The following DGKI variants were observed in gnomAD, a reference collection of about 807,000 sequenced individuals.
DGKI encodes DAG kinase iota.
DGKI carries 55 observed loss-of-function variants against 147.5 expected under a neutral mutation model. The ratio of observed to expected loss-of-function variants is 0.37; its 90% CI spans 0.30 to 0.47. The LOEUF (loss-of-function observed/expected upper bound fraction) is 0.47, where lower values mean the gene tolerates loss of function less well. Among genes scored for constraint, DGKI ranks in the 20% least tolerant of loss-of-function variants. The pLI is 1.00. For missense variants in DGKI, 1,007 were observed against 1,323.8 expected, an observed-to-expected ratio of 0.76 and a Z score of 3.71; for synonymous variants, 469 against 477.1, an observed-to-expected ratio of 0.98 and a Z score of 0.22.
At chr7:137,457,927 A>C (rs1814270323) in intron 27 of DGKI, among the ~76,000 whole-genome samples, 1 of 152,092 alleles carries the variant, frequency 6.6e-6, no homozygotes, top group African/African-American at 2.4e-5. Flanking sequence ...TTAAATCTAA[A>C]AAAAAAAGCA....
chr7:137,402,679 C>A (rs919073880), intron 30 of DGKI, among the ~76,000 whole-genome samples: 4 of 152,162 alleles, frequency 2.6e-5, no homozygotes, highest in Non-Finnish European at 5.9e-5. Context: ...CTCTCTGGGC[C>A]CTCATTTCCC....
rs1032441956 is a variant in DGKI at position 137,458,289 on chromosome 7, G to A, written c.2735+5200C>T. 2.0e-5 allele frequency among the ~76,000 whole-genome samples: 3 copies of A among 152,090 alleles called. No individual in the cohort carries two copies. In the South Asian group the frequency reaches 6.2e-4, roughly 32 times the overall value. ...CCAATCATAAAAACCCATTAGCCTT[G>A]TGCAGCTGATCGGGTACCAGATACC... On this transcript the variant is annotated intron_variant, in intron 27 of 32. Coordinates refer to ENST00000614521, the MANE Select transcript of DGKI (RefSeq NM_001321708.2).
At chr7:137,786,552 T>C (rs1796675143) in intron 1 of DGKI, among the ~76,000 whole-genome samples, 1 of 151,160 alleles carries the variant, frequency 6.6e-6, no homozygotes, top group Non-Finnish European at 1.5e-5. Context: ...CCAAAAAAAA[T>C]CCACAAATTT....
intron 19 of DGKI, among the ~76,000 whole-genome samples, chr7:137,570,418 T>C (rs921400056): frequency 6.6e-6 from 1 of 152,186 alleles, no homozygotes; most frequent in Non-Finnish European, 1.5e-5. Context: ...TAATGATGTC[T>C]TTGTATATTC....
chr7:137,769,164 C>A (rs929897498), intron 1 of DGKI, among the ~76,000 whole-genome samples: 2 of 152,148 alleles, frequency 1.3e-5, no homozygotes, highest in Non-Finnish European at 1.5e-5. Context: ...CTGCGACACC[C>A]AAGGGAGACA....
intron 1 of DGKI, among the ~76,000 whole-genome samples, chr7:137,720,510 G>A (rs543400231): frequency 2.0e-4 from 30 of 151,924 alleles, no homozygotes; most frequent in African/African-American, 5.8e-4. Context: ...TGCCCGCCTC[G>A]GCCTCCCAAA....
At chr7:137,674,402 C>T (rs1007076420) in intron 3 of DGKI, among the ~76,000 whole-genome samples, 1 of 152,158 alleles carries the variant, frequency 6.6e-6, no homozygotes, top group African/African-American at 2.4e-5. Context: ...GAGGTCCCGG[C>T]TTTGCAGGAC....
chr7:137,625,542 C>G (rs1260712824), intron 6 of DGKI, among the ~76,000 whole-genome samples: 1 of 151,912 alleles, frequency 6.6e-6, no homozygotes, highest in African/African-American at 2.4e-5. Context: ...CATCTGGGAA[C>G]TCGGATTGCA....
At chr7:137,825,998 TCC>T (rs1286380432) in intron 1 of DGKI, among the ~76,000 whole-genome samples, 1 of 152,228 alleles carries the variant, frequency 6.6e-6, no homozygotes, top group East Asian at 1.9e-4. Context: ...CTTAGTAGTC[TCC>T]ACATTATTAA....
chr7:137,638,623 T>TATAC (rs1563125929), intron 6 of DGKI, among the ~76,000 whole-genome samples: 95 of 2,728 alleles, frequency 0.035, 23 homozygotes, highest in South Asian at 0.091. Flanking sequence ...CACACACACA[T>TATAC]ATATATGTGT....
chr7:137,391,813 G>T (rs1811376112), intron 32 of DGKI, among the ~76,000 whole-genome samples: 1 of 152,130 alleles, frequency 6.6e-6, no homozygotes, highest in African/African-American at 2.4e-5. Context: ...AAACTAAAAG[G>T]AAGGGATAGT....
At chr7:137,610,598 G>C (rs543500458) in intron 8 of DGKI, among the ~76,000 whole-genome samples, 1 of 152,286 alleles carries the variant, frequency 6.6e-6, no homozygotes, top group South Asian at 2.1e-4. Flanking sequence ...GTTTAACAAA[G>C]TGTTGGCAGC....
rs1380330746 is a variant in DGKI at position 137,711,640 on chromosome 7, C to T, written c.402-21638G>A. The stretch of plus-strand genomic sequence containing the variant: ...TGCCTGAACTGGAATTCGGGTTAAT[C>T]TCTATATATCTTGATTTCCTCATCC... On this transcript the variant is annotated intron_variant, in intron 1 of 32. Transcript: ENST00000614521. Among the ~76,000 whole-genome samples, 4 of 146,322 alleles carry T rather than the reference C, an allele frequency of 2.7e-5. No homozygotes were observed. In the Admixed American group the frequency reaches 2.7e-4, roughly 10 times the overall value.
At chr7:137,620,826 A>C (rs1304417205) in intron 7 of DGKI, among the ~76,000 whole-genome samples, 4 of 152,214 alleles carry the variant, frequency 2.6e-5, no homozygotes, top group Non-Finnish European at 2.9e-5. Flanking sequence ...TGAAAAAGAA[A>C]ACTAAAATCA....
intron 1 of DGKI, among the ~76,000 whole-genome samples, chr7:137,768,603 G>A (rs1239827436): frequency 1.3e-5 from 2 of 152,154 alleles, no homozygotes; most frequent in Non-Finnish European, 2.9e-5. Flanking sequence ...GGGAAAGGGA[G>A]GCAACCCGAC....
rs2128890819 is a variant in DGKI, at chr7:137,387,564, A to G, written c.*3656T>C. ...TGTGTATATAAATAAATGTCTATATATGTGTGTAAATGTATATGCGTATAT... is the reference window on the plus strand; with the variant it reads ...TGTGTATATAAATAAATGTCTATATGTGTGTGTAAATGTATATGCGTATAT... On this transcript the variant is annotated 3_prime_UTR_variant, in exon 33 of 33. Coordinates refer to ENST00000614521, the MANE Select transcript of DGKI (RefSeq NM_001321708.2). The G allele has an allele frequency of 6.6e-6, 1 of 152,326 alleles. No homozygotes were observed. The highest frequency in any genetic ancestry group is 1.5e-5 in the Non-Finnish European group (1 of 68,028). The allele number at this position is 152,326 out of a possible 1,614,324, so 9.4% of individuals were successfully genotyped here. A position where few individuals can be genotyped will look rare whatever the true frequency, so the allele number is the denominator to read the frequency against.
chr7:137,726,378 T>G (rs1794716642), intron 1 of DGKI, among the ~76,000 whole-genome samples: 1 of 152,148 alleles, frequency 6.6e-6, no homozygotes, highest in Non-Finnish European at 1.5e-5. Context: ...ACTTTTCCCT[T>G]CCAATCCAAG....
chr7:137,722,368 C>T, intron 1 of DGKI: 8 of 1,612,874 alleles, frequency 5.0e-6, no homozygotes, highest in Non-Finnish European at 6.8e-6. Flanking sequence ...GCTGTTGAGC[C>T]ACAGCAAAAA....
intron 8 of DGKI, among the ~76,000 whole-genome samples, chr7:137,618,301 A>C (rs1820621978): frequency 6.7e-6 from 1 of 148,950 alleles, no homozygotes; most frequent in Admixed American, 6.8e-5. Context: ...CCTCTGCATA[A>C]ACCCTGCACT....
Sources: gnomAD v4.1 joint callset for allele counts (sites outside exome capture counted in the v4.1 genomes callset) on GRCh38, gnomAD v4.1.1 for gene constraint, MANE v1.5 for transcripts, NCBI Gene and HGNC (gene_info 2026-07-23, HGNC 2026-07-21) for gene names.